Variants in RGS6 observed in about 807,000 individuals in gnomAD.
RGS6 encodes the protein regulator of G-protein signaling 6.
Under a neutral mutation model 78.5 loss-of-function variants are expected in RGS6, and 30 were observed. The ratio of observed to expected loss-of-function variants is 0.38; its 90% CI spans 0.29 to 0.52. RGS6 has a LOEUF of 0.52. Among genes scored for constraint, RGS6 ranks in the 20% least tolerant of loss-of-function variants. The pLI, the probability that RGS6 is intolerant of heterozygous loss-of-function variation, is 0.85. For missense variants in RGS6, 495 were observed against 609.7 expected (o/e 0.81, Z 1.98); for synonymous variants, 206 against 206.0 (o/e 1.00, Z 0.00).
chr14:72,053,088 CCTTCCTTCCTTCCTTCCTTCCTT>C (rs2093421598), intron 2 of RGS6, among the ~76,000 whole-genome samples: 2 of 32,772 alleles, frequency 6.1e-5, no homozygotes, highest in Non-Finnish European at 1.3e-4. Context: ...TCCCTTCCTT[CCTTCCTTCCTTCCTTCCTTCCTT>C]CCTTCCTTCC....
At chr14:72,276,476 C>T (rs900226478) in intron 2 of RGS6, among the ~76,000 whole-genome samples, 2 of 152,152 alleles carry the variant, frequency 1.3e-5, no homozygotes, top group African/African-American at 4.8e-5. Context: ...GAAAAAATGT[C>T]TAAAAAACCT....
At chr14:72,084,634 A>G (rs1015068608) in intron 2 of RGS6, among the ~76,000 whole-genome samples, 2 of 152,172 alleles carry the variant, frequency 1.3e-5, no homozygotes, top group Non-Finnish European at 2.9e-5. Context: ...TAGCAGCTAG[A>G]GTTAGCATTT....
chr14:72,493,212 CAAAAT>C (rs1478758598), intron 12 of RGS6, among the ~76,000 whole-genome samples: 2 of 152,018 alleles, frequency 1.3e-5, no homozygotes, highest in African/African-American at 4.8e-5. Context: ...AGAGTATAAT[CAAAAT>C]AAACCGACAG....
the RGS6 span, among the ~76,000 whole-genome samples, chr14:72,576,764 T>C: frequency 6.6e-6 from 1 of 152,194 alleles, no homozygotes; most frequent in Non-Finnish European, 1.5e-5. Context: ...CTTTCCAGTC[T>C]CTCAGTGCTT....
intron 3 of RGS6, among the ~76,000 whole-genome samples, chr14:72,360,545 A>G (rs72724098): frequency 6.6e-6 from 1 of 150,906 alleles, no homozygotes; most frequent in African/African-American, 2.4e-5. Flanking sequence ...AAACAAAACA[A>G]AAAAGGAAGA....
chr14:72,533,789 C>T (rs2097211374), intron 15 of RGS6, among the ~76,000 whole-genome samples: 1 of 152,216 alleles, frequency 6.6e-6, no homozygotes, highest in African/African-American at 2.4e-5. Flanking sequence ...GAAGATGTGA[C>T]TGAATTGCTA....
chr14:72,606,656 G>A, the RGS6 span, among the ~76,000 whole-genome samples: 5 of 152,256 alleles, frequency 3.3e-5, no homozygotes, highest in South Asian at 2.1e-4. Flanking sequence ...ACTTTTCCCC[G>A]CTGATAGTTT....
chr14:72,110,991 G>C (rs141524999), intron 2 of RGS6, among the ~76,000 whole-genome samples: 1 of 152,208 alleles, frequency 6.6e-6, no homozygotes, highest in African/African-American at 2.4e-5. Flanking sequence ...CTTTTGTGAG[G>C]TTACTTTCCA....
chr14:72,167,184 G>C (rs1414238636), intron 2 of RGS6, among the ~76,000 whole-genome samples: 2 of 152,302 alleles, frequency 1.3e-5, no homozygotes, highest in African/African-American at 4.8e-5. Context: ...TGCAGTTGTT[G>C]GTAGAATTCA....
rs1358554875 is a variant in RGS6 at position 72,446,606 on chromosome 14, T to C, written c.185-7922T>C. 1.3e-5 allele frequency among the ~76,000 whole-genome samples: 2 copies of C among 152,182 alleles called. 1 individual carries two copies. The highest frequency in any genetic ancestry group is 2.9e-5 in the Non-Finnish European group (2 of 68,038). On this transcript the variant is annotated intron_variant, in intron 3 of 17. Transcript: ENST00000553525. Reference sequence around the variant, plus strand: ...TTGTGGGGGATGGTTTCAGGATGATTCAAGTGCATTACATTTATTGTGTAC... The same window carrying C: ...TTGTGGGGGATGGTTTCAGGATGATCCAAGTGCATTACATTTATTGTGTAC...
intron 9 of RGS6, 74 bp downstream of exon 9, chr14:72,473,027 C>A: frequency 2.0e-6 from 2 of 1,020,630 alleles, no homozygotes; most frequent in Non-Finnish European, 1.4e-6. Flanking sequence ...AAGAAAAGAC[C>A]GTCTTTAGCC....
At chr14:72,343,408 GTCT>G (rs1158874989) in intron 2 of RGS6, among the ~76,000 whole-genome samples, 2 of 152,146 alleles carry the variant, frequency 1.3e-5, no homozygotes, top group African/African-American at 4.8e-5. Context: ...GCTGGGAAAG[GTCT>G]TCTGCTTTCA....
At chr14:71,948,554 A>C (rs900843616) in intron 1 of RGS6, among the ~76,000 whole-genome samples, 6 of 152,172 alleles carry the variant, frequency 3.9e-5, no homozygotes, top group Non-Finnish European at 7.3e-5. Context: ...ACATATTTAC[A>C]GAAAAGTATT....
chr14:72,096,125 T>C (rs988958433), intron 2 of RGS6, among the ~76,000 whole-genome samples: 1 of 152,020 alleles, frequency 6.6e-6, no homozygotes, highest in African/African-American at 2.4e-5. Flanking sequence ...CAAAAAAAAT[T>C]AGCTGAGTGC....
chr14:72,112,523 G>A (rs757188448), intron 2 of RGS6, among the ~76,000 whole-genome samples: 3 of 152,156 alleles, frequency 2.0e-5, no homozygotes, highest in Non-Finnish European at 4.4e-5. Context: ...AATCACAATG[G>A]TCCTCTTAGG....
the RGS6 span, among the ~76,000 whole-genome samples, chr14:71,921,113 C>T: frequency 6.6e-6 from 1 of 152,136 alleles, no homozygotes; most frequent in Non-Finnish European, 1.5e-5. Context: ...TGCTCAACAT[C>T]ACTAATCATC....
chr14:72,357,357 A>T (rs775817134), intron 3 of RGS6, among the ~76,000 whole-genome samples: 1 of 152,142 alleles, frequency 6.6e-6, no homozygotes, highest in South Asian at 2.1e-4. Flanking sequence ...AGAAGACAAG[A>T]ATATGGGGGA....
the RGS6 span, among the ~76,000 whole-genome samples, chr14:72,621,064 C>G: frequency 7.9e-5 from 12 of 152,052 alleles, no homozygotes; most frequent in African/African-American, 2.7e-4. Flanking sequence ...TCTCTTGAAC[C>G]CGGGAGGTGG....
chr14:72,134,139 G>A (rs1054677888), intron 2 of RGS6, among the ~76,000 whole-genome samples: 5 of 152,170 alleles, frequency 3.3e-5, no homozygotes, highest in African/African-American at 4.8e-5. Context: ...CAACCCCCTC[G>A]AGTTTAACCA....
Sources: gnomAD v4.1 joint callset for allele counts (sites outside exome capture counted in the v4.1 genomes callset) on GRCh38, gnomAD v4.1.1 for gene constraint, MANE v1.5 for transcripts, NCBI Gene and HGNC (gene_info 2026-07-23, HGNC 2026-07-21) for gene names.